The following CD74 variants were observed in gnomAD, a reference collection of about 807,000 sequenced individuals.
CD74 encodes HLA class II histocompatibility antigen gamma chain.
Under a neutral mutation model 37.1 loss-of-function variants are expected in CD74, and 20 were observed. That is an observed-to-expected ratio of 0.54 (90% CI 0.38 to 0.78). The LOEUF (loss-of-function observed/expected upper bound fraction) is 0.78, where lower values mean the gene tolerates loss of function less well. Ranked by LOEUF, CD74 falls within the 30% of genes least tolerant of loss-of-function variation. The pLI is 0.00. For missense variants in CD74, 338 were observed against 389.5 expected (o/e 0.87, Z 1.11); for synonymous variants, 150 against 152.0 (o/e 0.99, Z 0.10).
intron 1 of CD74, among the ~76,000 whole-genome samples, chr5:150,411,546 G>A (rs959389860): frequency 2.0e-5 from 3 of 152,216 alleles, no homozygotes; most frequent in African/African-American, 7.2e-5. Flanking sequence ...TTTGGAGACT[G>A]GGGGTAGCAG....
intron 1 of CD74, among the ~76,000 whole-genome samples, chr5:150,412,142 T>C (rs1770377368): frequency 6.6e-6 from 1 of 152,156 alleles, no homozygotes; most frequent in Non-Finnish European, 1.5e-5. Flanking sequence ...TTTTTGTATT[T>C]TTAGTAGAGA....
At chr5:150,404,961 G>A in intron 5 of CD74, 124 bp downstream of exon 5, 2 of 984,834 alleles carry the variant, frequency 2.0e-6, no homozygotes, top group South Asian at 1.4e-5. Flanking sequence ...GGTTTTGGAA[G>A]TGCTGGTAAA....
intron 1 of CD74, among the ~76,000 whole-genome samples, chr5:150,409,004 G>A (rs1301909227): frequency 6.6e-6 from 1 of 152,202 alleles, no homozygotes; most frequent in African/African-American, 2.4e-5. Flanking sequence ...TGGATCACTT[G>A]AGGCCAGGAG....
chr5:150,405,404 A>G, intron 4 of CD74: 1 of 1,260,452 alleles, frequency 7.9e-7, no homozygotes, highest in Non-Finnish European at 1.0e-6. Context: ...GTCGAGTTCC[A>G]GATTCCAGGC....
rs2151169490 is a variant in CD74, at chr5:150,403,107, G to A, written c.817+14C>T. 6 of 1,607,680 alleles carry A rather than the reference G, an allele frequency of 3.7e-6. No homozygotes were observed. Among genetic ancestry groups the A allele is most frequent in the Non-Finnish European group, 4.3e-6 (5 of 1,176,466 alleles). On this transcript the variant is annotated intron_variant, in intron 7 of 8. Coordinates refer to ENST00000009530, the MANE Select transcript of CD74 (RefSeq NM_001025159.3). The surrounding 1 kb of genome is among the most constrained non-coding windows in gnomAD (Gnocchi z 4.5). Reference sequence around the variant, plus strand: ...TTCCTGGTCCTCTGACACTGGCACAGTGCCACTGCTTACCACTGCAGTTAT... The same window carrying A: ...TTCCTGGTCCTCTGACACTGGCACAATGCCACTGCTTACCACTGCAGTTAT...
At chr5:150,409,704 C>CAAAAAAAAAA (rs755621804) in intron 1 of CD74, among the ~76,000 whole-genome samples, 24 of 89,484 alleles carry the variant, frequency 2.7e-4, no homozygotes, top group African/African-American at 3.9e-4. Context: ...AAAAACATAA[C>CAAAAAAAAAA]AAAAAAAAAA....
chr5:150,402,557 C>T lies in CD74; in HGVS notation c.880+6G>A, dbSNP rs1428175171. On this transcript the variant is annotated splice_donor_region_variant and intron_variant, in intron 8 of 8. Coordinates refer to ENST00000009530, the MANE Select transcript of CD74 (RefSeq NM_001025159.3). The surrounding 1 kb of genome is among the most constrained non-coding windows in gnomAD (Gnocchi z 4.2). ...GTGACCAGATGCCCCTCTGCAAGGCCCTTACCTGGGCCCAGATCCTGCTTG... is the reference window on the plus strand; with the variant it reads ...GTGACCAGATGCCCCTCTGCAAGGCTCTTACCTGGGCCCAGATCCTGCTTG... The T allele has an allele frequency of 9.9e-6, 16 of 1,613,444 alleles. No individual in the cohort carries two copies. The highest frequency in any genetic ancestry group is 2.5e-6 in the Non-Finnish European group (3 of 1,179,494).
Position 150,401,889 on chromosome 5 carries a change from G to C in CD74, c.*351C>G, listed in dbSNP as rs1285007527. On this transcript the variant is annotated 3_prime_UTR_variant, in exon 9 of 9. Coordinates refer to ENST00000009530, the MANE Select transcript of CD74 (RefSeq NM_001025159.3). ...TGTCCAGCCTGGGGTCTGGGTGTAG[G>C]GTTATCCCTTCTCCCTGTGCCTTCC... 2.7e-6 allele frequency: 2 copies of C among 735,752 alleles called. No individual in the cohort carries two copies. The highest frequency in any genetic ancestry group is 2.4e-6 in the Non-Finnish European group (1 of 415,846). 45.6% of individuals were successfully genotyped at this position (735,752 alleles called of 1,614,324 possible).
intron 1 of CD74, among the ~76,000 whole-genome samples, chr5:150,408,022 C>T (rs1314732575): frequency 6.6e-5 from 10 of 151,898 alleles, no homozygotes; most frequent in Non-Finnish European, 1.2e-4. Context: ...GGATTACAAG[C>T]GTGAGTCACC....
Position 150,403,269 on chromosome 5 carries a change from G to C in CD74, c.669C>G (p.Val223=), listed in dbSNP as rs764104310. ...CQEEVSHIPA[V]HPGSFRPKCD... Reference sequence around the variant, plus strand: ...ACTTGGGCCTGAATGAACCCGGGTGGACAGCAGGGATGTGGCTGACCTCTT... The same window carrying C: ...ACTTGGGCCTGAATGAACCCGGGTGCACAGCAGGGATGTGGCTGACCTCTT... The change falls in exon 7 of 9, where the codon GTC becomes GTG. Residue 223 remains valine, a synonymous_variant. Transcript: ENST00000009530. The surrounding 1 kb of genome is among the most constrained non-coding windows in gnomAD (Gnocchi z 4.5). The C allele has an allele frequency of 6.2e-7, 1 of 1,614,036 alleles. No individual in the cohort carries two copies. The highest frequency in any genetic ancestry group is 8.5e-7 in the Non-Finnish European group (1 of 1,179,900).
chr5:150,412,145 A>G (rs1770377541), intron 1 of CD74, among the ~76,000 whole-genome samples: 1 of 152,134 alleles, frequency 6.6e-6, no homozygotes, highest in African/African-American at 2.4e-5. Context: ...TTGTATTTTT[A>G]GTAGAGATGG....
intron 6 of CD74, among the ~76,000 whole-genome samples, chr5:150,404,011 A>G (rs1769798832): frequency 6.6e-6 from 1 of 152,154 alleles, no homozygotes. Flanking sequence ...TTTGTTGGAG[A>G]TGTCTTAGAG....
Position 150,401,840 on chromosome 5 carries a change from C to A in CD74, c.*400G>T. 1.5e-6 allele frequency: 1 copy of A among 662,202 alleles called. No individual in the cohort carries two copies. 41.0% of individuals were successfully genotyped at this position (662,202 alleles called of 1,614,324 possible). A position where few individuals can be genotyped will look rare whatever the true frequency, so the allele number is the denominator to read the frequency against. On this transcript the variant is annotated 3_prime_UTR_variant, in exon 9 of 9. Coordinates refer to ENST00000009530, the MANE Select transcript of CD74 (RefSeq NM_001025159.3). ...AGGCTAGAAAAGCCAAGGCCAAAGG[C>A]TGGAGGGGAGAGGACAGTCAGCATG...
intron 5 of CD74, 46 bp from the exon 6 acceptor site, chr5:150,404,813 G>T (rs972735721): frequency 9.4e-6 from 12 of 1,280,370 alleles, no homozygotes; most frequent in Non-Finnish European, 1.2e-5. Context: ...CCACCACCAA[G>T]CCCCTACACT....
chr5:150,402,651 G>A lies in CD74; in HGVS notation c.818-26C>T, dbSNP rs1204563590. 3 of 1,583,366 alleles carry A rather than the reference G, an allele frequency of 1.9e-6. No individual in the cohort carries two copies. The highest frequency in any genetic ancestry group is 2.6e-6 in the Non-Finnish European group (3 of 1,159,908). ...CTGCAAAGGAGCAGCAAGTCCGTTT[G>A]TCACTTGAAGTGCAGCCTACCTGAC... On this transcript the variant is annotated intron_variant, in intron 7 of 8. Transcript: ENST00000009530. This position sits in a 1 kb window ranked among gnomAD's most constrained non-coding sequence, Gnocchi z 4.2.
chr5:150,409,222 G>GA lies in CD74; in HGVS notation c.126-1899dup, dbSNP rs759063131. On this transcript the variant is annotated intron_variant, in intron 1 of 8. Transcript: ENST00000009530. Reference sequence around the variant, plus strand: ...TGGGTGACAGAAGGAGACTGTCTCAGAAAAAAAAAAGAAAGCAAGCTAGGC... The same window carrying GA: ...TGGGTGACAGAAGGAGACTGTCTCAGAAAAAAAAAAAGAAAGCAAGCTAGGC... Among the ~76,000 whole-genome samples the GA allele has an allele frequency of 2.5e-3, 356 of 140,834 alleles. 1 individual carries two copies. Among genetic ancestry groups the GA allele is most frequent in the Non-Finnish European group, 4.5e-3 (294 of 64,820 alleles). The allele number at this position is 140,834 out of a possible 152,430, so 92.4% of individuals were successfully genotyped here.
intron 6 of CD74, 194 bp downstream of exon 6, chr5:150,404,475 TGGGGGTGGGTC>T: frequency 5.5e-6 from 3 of 545,336 alleles, no homozygotes; most frequent in Non-Finnish European, 6.6e-6. Context: ...TTAGACAAGA[TGGGGGTGGGTC>T]AGGGGAGGGG....
intron 1 of CD74, among the ~76,000 whole-genome samples, chr5:150,408,344 G>T (rs553448701): frequency 6.6e-6 from 1 of 152,146 alleles, no homozygotes; most frequent in South Asian, 2.1e-4. Flanking sequence ...ACCCACTCTG[G>T]GGCCATCCTC....
At chr5:150,405,391 C>G (rs192361569) in intron 4 of CD74, 2 of 1,264,740 alleles carry the variant, frequency 1.6e-6, no homozygotes, top group East Asian at 3.2e-5. Context: ...TGCAGCGTTG[C>G]GAGTCGAGTT....
Sources: allele counts gnomAD v4.1 joint callset (sites outside exome capture counted in the v4.1 genomes callset), GRCh38; gene constraint gnomAD v4.1.1; non-coding constraint Gnocchi (gnomAD v3.1); transcripts MANE v1.5; gene names NCBI Gene and HGNC (gene_info 2026-07-23, HGNC 2026-07-21).